Variants in DPYD observed in about 807,000 individuals in gnomAD.
The protein encoded by DPYD is dihydropyrimidine dehydrogenase [NADP(+)].
Under a neutral mutation model 116.2 loss-of-function variants are expected in DPYD, and 109 were observed. The ratio of observed to expected loss-of-function variants is 0.94; its 90% CI spans 0.80 to 1.10. The LOEUF (loss-of-function observed/expected upper bound fraction) is 1.10. Among genes scored for constraint, DPYD ranks in the 50% least tolerant of loss-of-function variants. The pLI, the probability that DPYD is intolerant of heterozygous loss-of-function variation, is 0.00. For synonymous variants in DPYD, 440 were observed against 432.0 expected (o/e 1.02, Z -0.23); for missense variants, 1,302 against 1,254.5 (o/e 1.04, Z -0.57).
intron 16 of DPYD, among the ~76,000 whole-genome samples, chr1:97,328,476 A>G (rs1668817358): frequency 6.6e-6 from 1 of 152,130 alleles, no homozygotes; most frequent in South Asian, 2.1e-4. Context: ...CATCCACAAT[A>G]TCCATCCCAT....
At chr1:97,192,697 C>T (rs1658457559) in intron 20 of DPYD, among the ~76,000 whole-genome samples, 3 of 152,220 alleles carry the variant, frequency 2.0e-5, no homozygotes, top group South Asian at 4.1e-4. Context: ...TTCAAGACTA[C>T]AGTGATTTGA....
chr1:97,712,751 C>T (rs1284828291), intron 5 of DPYD, among the ~76,000 whole-genome samples: 2 of 152,092 alleles, frequency 1.3e-5, no homozygotes, highest in East Asian at 3.9e-4. Flanking sequence ...TGATTAGAGG[C>T]ATCACAGAAC....
At chr1:97,132,014 T>A (rs1347838606) in intron 20 of DPYD, among the ~76,000 whole-genome samples, 1 of 152,150 alleles carries the variant, frequency 6.6e-6, no homozygotes, top group African/African-American at 2.4e-5. Flanking sequence ...TCCCAATTAC[T>A]GAGCTATTAA....
chr1:97,679,773 T>C (rs1660338261), intron 7 of DPYD, among the ~76,000 whole-genome samples: 1 of 152,076 alleles, frequency 6.6e-6, no homozygotes, highest in Non-Finnish European at 1.5e-5. Flanking sequence ...GTCACAATGC[T>C]TGGTCAGTTC....
intron 8 of DPYD, among the ~76,000 whole-genome samples, chr1:97,671,976 A>C (rs191814602): frequency 3.0e-5 from 4 of 132,134 alleles, no homozygotes; most frequent in African/African-American, 1.2e-4. Context: ...ATGGTGCCTC[A>C]CTCTGTCATC....
chr1:97,561,520 T>C (rs1270657690), intron 11 of DPYD, among the ~76,000 whole-genome samples: 2 of 152,148 alleles, frequency 1.3e-5, no homozygotes, highest in Admixed American at 6.5e-5. Context: ...TACTTCAGAA[T>C]ATGTAAGATA....
At chr1:97,598,629 G>A (rs978238511) in intron 8 of DPYD, among the ~76,000 whole-genome samples, 1 of 146,620 alleles carries the variant, frequency 6.8e-6, no homozygotes, top group Non-Finnish European at 1.5e-5. Flanking sequence ...AGGAGGGAGG[G>A]AGGGAGGAAC....
chr1:97,679,034 A>G, intron 8 of DPYD, 61 bp downstream of exon 8: 1 of 774,100 alleles, frequency 1.3e-6, no homozygotes, highest in Non-Finnish European at 2.0e-6. Flanking sequence ...ATTCTTCTGG[A>G]TATTGCTAGG....
chr1:97,662,063 C>T (rs1659296701), intron 8 of DPYD, among the ~76,000 whole-genome samples: 1 of 148,114 alleles, frequency 6.8e-6, no homozygotes, highest in Non-Finnish European at 1.5e-5. Flanking sequence ...GGCATGATCC[C>T]GGCTCCAGCT....
chr1:97,285,429 A>G (rs1305843150), intron 18 of DPYD, among the ~76,000 whole-genome samples: 1 of 152,198 alleles, frequency 6.6e-6, no homozygotes, highest in Admixed American at 6.5e-5. Context: ...TAGTTTAGAA[A>G]ACAAACACAA....
chr1:97,916,010 T>C (rs1674193718), intron 1 of DPYD, among the ~76,000 whole-genome samples: 1 of 152,180 alleles, frequency 6.6e-6, no homozygotes, highest in South Asian at 2.1e-4. Context: ...TTTATTTTAC[T>C]AGGGGTTCCA....
At chr1:97,636,155 C>T (rs1456755377) in intron 8 of DPYD, among the ~76,000 whole-genome samples, 1 of 152,082 alleles carries the variant, frequency 6.6e-6, no homozygotes. Flanking sequence ...AAAAAAATCA[C>T]TAAGCCAGGC....
At chr1:97,266,733 A>G (rs1428014090) in intron 18 of DPYD, among the ~76,000 whole-genome samples, 1 of 151,922 alleles carries the variant, frequency 6.6e-6, no homozygotes, top group Non-Finnish European at 1.5e-5. Context: ...CCTGTGTCCA[A>G]GTGTTCTCAT....
chr1:97,177,745 T>G (rs1657391565), intron 20 of DPYD, among the ~76,000 whole-genome samples: 1 of 152,116 alleles, frequency 6.6e-6, no homozygotes, highest in African/African-American at 2.4e-5. Context: ...TTGCTGGATA[T>G]CCTCCTAACT....
At chr1:97,652,570 T>A (rs1463398212) in intron 8 of DPYD, among the ~76,000 whole-genome samples, 1 of 152,286 alleles carries the variant, frequency 6.6e-6, no homozygotes, top group East Asian at 1.9e-4. Flanking sequence ...ATCTGAAGAA[T>A]TCAGAGTAAA....
rs59568061 is a variant in DPYD, at chr1:97,261,516, T to TA, written c.2300-26523dup. 2.0e-3 allele frequency among the ~76,000 whole-genome samples: 94 copies of TA among 46,808 alleles called. 1 individual carries two copies. In the South Asian group the frequency reaches 0.037, roughly 19 times the overall value. The allele number at this position is 46,808 out of a possible 152,430, so 30.7% of individuals were successfully genotyped here. On this transcript the variant is annotated intron_variant, in intron 18 of 22. Transcript: ENST00000370192. ...ATCTTTTTTTTTTTTTTTTTTTTTT[T>TA]AAAAAAGAACGATTTGTGTCTCTCT...
intron 18 of DPYD, among the ~76,000 whole-genome samples, chr1:97,277,200 C>T (rs752910856): frequency 2.4e-4 from 36 of 151,878 alleles, no homozygotes; most frequent in Non-Finnish European, 4.0e-4. Flanking sequence ...ACACTTGGGA[C>T]TACCAGAGAA....
intron 8 of DPYD, among the ~76,000 whole-genome samples, chr1:97,673,312 A>G (rs1327065486): frequency 2.0e-5 from 3 of 152,142 alleles, no homozygotes; most frequent in South Asian, 4.1e-4. Flanking sequence ...ATTATTACCA[A>G]TATCACCACT....
At chr1:97,592,685 G>A (rs1163430127) in intron 10 of DPYD, among the ~76,000 whole-genome samples, 2 of 152,120 alleles carry the variant, frequency 1.3e-5, no homozygotes, top group Non-Finnish European at 2.9e-5. Flanking sequence ...TTTTTAGTAT[G>A]CTAACTAACT....
Sources: gnomAD v4.1 joint callset for allele counts (sites outside exome capture counted in the v4.1 genomes callset) on GRCh38, gnomAD v4.1.1 for gene constraint, MANE v1.5 for transcripts, NCBI Gene and HGNC (gene_info 2026-07-23, HGNC 2026-07-21) for gene names.